The following SLTM variants were observed in gnomAD, a reference collection of about 807,000 sequenced individuals.
The protein encoded by SLTM is SAFB like transcription modulator.
A neutral mutation model predicts 134.6 loss-of-function variants in SLTM; 43 were observed. The observed-to-expected ratio is 0.32, with a 90% CI of 0.25 to 0.41. The LOEUF is 0.41. Among genes scored for constraint, SLTM ranks in the 10% least tolerant of loss-of-function variants. The pLI, the probability that SLTM is intolerant of heterozygous loss-of-function variation, is 1.00. For missense variants in SLTM, 1,055 were observed against 1,288.8 expected, an observed-to-expected ratio of 0.82 and a Z score of 2.78; for synonymous variants, 424 against 432.3, an observed-to-expected ratio of 0.98 and a Z score of 0.24.
In SLTM at chr15:58,890,289, T is replaced by C; in HGVS notation, c.2071A>G (p.Ile691Val). 7 of 1,614,076 alleles carry C rather than the reference T, an allele frequency of 4.3e-6. No homozygotes were observed. Among genetic ancestry groups the C allele is most frequent in the Non-Finnish European group, 5.9e-6 (7 of 1,179,964 alleles). The change falls in exon 15 of 21, where the codon ATT becomes GTT. Residue 691 changes from isoleucine (I) to valine (V), a missense_variant. This residue lies in a region of SLTM where 776 missense variants were observed against 962.2 expected (regional missense o/e 0.81). Transcript: ENST00000380516. The part of the protein sequence containing the change: ...RERLERERIR[I>V]EQERRKEAER... ...AGATTTTCTGACTGCACCTGTTCAA[T>C]ACGAATGCGTTCCCTTTCCAAGCGT... is the stretch of plus-strand genomic sequence containing the variant.
intron 8 of SLTM, 146 bp from the exon 9 acceptor site, chr15:58,897,379 A>C (rs1295017527): frequency 3.6e-6 from 2 of 557,178 alleles, no homozygotes; most frequent in East Asian, 2.8e-5. Flanking sequence ...TATTGAAATC[A>C]AACAGACAAC....
At chr15:58,913,407 T>G (rs1322514142) in intron 4 of SLTM, 92 bp downstream of exon 4, 16 of 1,079,578 alleles carry the variant, frequency 1.5e-5, no homozygotes, top group Non-Finnish European at 1.7e-5. Flanking sequence ...TTAAAAATTC[T>G]GAGACTTCCA....
At chr15:58,920,185 T>C (rs2141177290) in intron 2 of SLTM, among the ~76,000 whole-genome samples, 1 of 149,778 alleles carries the variant, frequency 6.7e-6, no homozygotes, top group Non-Finnish European at 1.5e-5. Flanking sequence ...GGCATGGTGG[T>C]GCACGCCTGT....
In SLTM at chr15:58,883,657, C is replaced by T. The variant is rs747255748; in HGVS notation, c.2965G>A (p.Ala989Thr). 3 of 1,614,016 alleles carry T rather than the reference C, an allele frequency of 1.9e-6. No homozygotes were observed. In the African/African-American group the frequency reaches 4.0e-5, roughly 22 times the overall value. ...HDTRRMGDGR[A>T]GAGMITQHSS... ...TGTTGGGTTATCATGCCTGCTCCTG[C>T]CCGGCCGTCACCCATTCGCCTCGTA... Residue 989 changes from alanine to threonine, a missense_variant, in exon 20 of 21, where the codon GCA becomes ACA. By Grantham distance (58) the Ala-to-Thr change is moderately conservative. Around this residue, in one of 3 missense-constraint regions of SLTM, gnomAD observed 776 missense variants for 962.2 expected, o/e 0.81. Transcript: ENST00000380516.
chr15:58,916,107 G>A (rs1485650722), intron 3 of SLTM, among the ~76,000 whole-genome samples: 7 of 151,506 alleles, frequency 4.6e-5, no homozygotes. Flanking sequence ...ACTCATTTTC[G>A]GCCCCAAAAG....
In SLTM at chr15:58,898,966, A is replaced by G. The variant is rs145540822; in HGVS notation, c.1059-114T>C. On this transcript the variant is annotated intron_variant, in intron 7 of 20. Coordinates refer to ENST00000380516, the MANE Select transcript of SLTM (RefSeq NM_024755.4). Reference sequence around the variant, plus strand: ...CTAGTGCTATTCATACAAATTAACAATTCCAAAGGCCTAGATTAGGTTATT... The same window carrying G: ...CTAGTGCTATTCATACAAATTAACAGTTCCAAAGGCCTAGATTAGGTTATT... The G allele has an allele frequency of 4.6e-4, 325 of 711,774 alleles. 3 individuals are homozygous for G. The African/African-American group carries it at 5.1e-3, about 11-fold the overall frequency. 44.1% of individuals were successfully genotyped at this position (711,774 alleles called of 1,614,324 possible). A position where few individuals can be genotyped will look rare whatever the true frequency, so the allele number is the denominator to read the frequency against.
intron 20 of SLTM, 114 bp from the exon 21 acceptor site, chr15:58,880,221 C>T: frequency 7.2e-7 from 1 of 1,397,892 alleles, no homozygotes; most frequent in Non-Finnish European, 9.5e-7. Flanking sequence ...CTCTTTTCAA[C>T]AGTCCCGTGA....
intron 2 of SLTM, among the ~76,000 whole-genome samples, chr15:58,919,056 C>A (rs999864855): frequency 6.6e-6 from 1 of 151,916 alleles, no homozygotes. Context: ...GGACTACAGG[C>A]GCGTGCTACC....
chr15:58,933,572 A>G lies in SLTM; in HGVS notation c.-7T>C. ...CACCGGTAGCGGCAGCCATCTTAGA[A>G]GAGCAGCGCGCTGCCGAGGCAGCGA... is the stretch of plus-strand genomic sequence containing the variant. On this transcript the variant is annotated 5_prime_UTR_variant, in exon 1 of 21. Coordinates refer to ENST00000380516, the MANE Select transcript of SLTM (RefSeq NM_024755.4). 1 of 1,575,756 alleles carries G rather than the reference A, an allele frequency of 6.3e-7. No individual in the cohort carries two copies. Among genetic ancestry groups the G allele is most frequent in the Admixed American group, 1.8e-5 (1 of 55,580 alleles).
chr15:58,893,224 ATCT>A (rs750141332), intron 13 of SLTM, 52 bp downstream of exon 13: 1 of 1,491,552 alleles, frequency 6.7e-7, no homozygotes, highest in South Asian at 1.2e-5. Flanking sequence ...AAACAGAATT[ATCT>A]TCTTTTGTAA....
At chr15:58,918,087 TAA>T (rs35486877) in intron 2 of SLTM, among the ~76,000 whole-genome samples, 3 of 137,410 alleles carry the variant, frequency 2.2e-5, no homozygotes, top group Non-Finnish European at 3.2e-5. Context: ...TTTTCCACAT[TAA>T]AAAAAAAAAA....
intron 5 of SLTM, among the ~76,000 whole-genome samples, chr15:58,909,639 T>C (rs531147283): frequency 1.6e-4 from 25 of 152,294 alleles, no homozygotes; most frequent in African/African-American, 6.0e-4. Flanking sequence ...ATTATGTGCA[T>C]CCAAATAGAA....
intron 2 of SLTM, among the ~76,000 whole-genome samples, chr15:58,926,243 G>C (rs1374335589): frequency 2.6e-5 from 4 of 152,164 alleles, no homozygotes; most frequent in Admixed American, 1.3e-4. Context: ...GAAGAATATA[G>C]ACGGAAGGTT....
chr15:58,930,237 C>G (rs1446815230), intron 2 of SLTM, among the ~76,000 whole-genome samples: 1 of 151,792 alleles, frequency 6.6e-6, no homozygotes, highest in East Asian at 1.9e-4. Flanking sequence ...CCCCAGCCTC[C>G]CGAGTAGCTG....
At chr15:58,882,181 C>CAGAAAAAAAAAAAAAAAAAAAAAAAAAA (rs2033778532) in intron 20 of SLTM, among the ~76,000 whole-genome samples, 1 of 59,526 alleles carries the variant, frequency 1.7e-5, no homozygotes, top group African/African-American at 5.9e-5. Context: ...GACTCTGTCT[C>CAGAAAAAAAAAAAAAAAAAAAAAAAAAA]AAAAAAAAAA....
intron 2 of SLTM, among the ~76,000 whole-genome samples, chr15:58,918,778 T>C (rs527380794): frequency 2.0e-5 from 3 of 152,162 alleles, no homozygotes; most frequent in Non-Finnish European, 4.4e-5. Context: ...AATTTGTACA[T>C]GAGAATTTCA....
At chr15:58,901,357 T>A in intron 5 of SLTM, 70 bp from the exon 6 acceptor site, 1 of 1,296,978 alleles carries the variant, frequency 7.7e-7, no homozygotes, top group Non-Finnish European at 1.1e-6. Context: ...TAGTACAAAA[T>A]CAGCCAAGTT....
chr15:58,927,972 T>C (rs6494045), intron 2 of SLTM, among the ~76,000 whole-genome samples: 14,515 of 152,274 alleles, frequency 0.095, 876 homozygotes, highest in African/African-American at 0.18. Context: ...ATTATAAATA[T>C]GTAGTCTGTG....
rs1662192106 is a variant in SLTM, at chr15:58,933,393, C to T, written c.162+11G>A. On this transcript the variant is annotated intron_variant, in intron 1 of 20. Transcript: ENST00000380516. ...CCTTCCCGGTCCTTTCCGGTCCTCGCCGGGCCTCACCTGCTTGAGTCGGGA... is the reference window on the plus strand; with the variant it reads ...CCTTCCCGGTCCTTTCCGGTCCTCGTCGGGCCTCACCTGCTTGAGTCGGGA... 1 of 1,571,636 alleles carries T rather than the reference C, an allele frequency of 6.4e-7. No individual in the cohort carries two copies.
Sources: allele counts gnomAD v4.1 joint callset (sites outside exome capture counted in the v4.1 genomes callset), GRCh38; gene constraint gnomAD v4.1.1; regional missense constraint gnomAD v4.1.1; transcripts MANE v1.5; gene names NCBI Gene and HGNC (gene_info 2026-07-23, HGNC 2026-07-21).